The following ENOX1 variants were observed in gnomAD, a reference collection of about 807,000 sequenced individuals.
The protein encoded by ENOX1 is candidate growth-related and time keeping constitutive hydroquinone (NADH) oxidase.
ENOX1 carries 42 observed loss-of-function variants against 82.5 expected under a neutral mutation model. That is an observed-to-expected ratio of 0.51 (90% CI 0.40 to 0.66). ENOX1 has a LOEUF of 0.66. ENOX1 is among the 30% of genes least tolerant of loss of function. The pLI is 0.00. For missense variants in ENOX1, 608 were observed against 811.6 expected (o/e 0.75, Z 3.05); for synonymous variants, 271 against 282.2 (o/e 0.96, Z 0.40).
At chr13:43,475,095 A>G (rs1376507074) in intron 3 of ENOX1, among the ~76,000 whole-genome samples, 1 of 152,192 alleles carries the variant, frequency 6.6e-6, no homozygotes, top group Non-Finnish European at 1.5e-5. Flanking sequence ...ATTCTACCAC[A>G]TTTACAAATT....
chr13:43,342,618 T>C (rs1407838908), intron 9 of ENOX1, among the ~76,000 whole-genome samples: 3 of 152,170 alleles, frequency 2.0e-5, no homozygotes, highest in Non-Finnish European at 2.9e-5. Flanking sequence ...GTGCCTGTTC[T>C]GCTCACCCAC....
chr13:43,613,129 C>A (rs1011830335), intron 2 of ENOX1, among the ~76,000 whole-genome samples: 1 of 151,938 alleles, frequency 6.6e-6, no homozygotes, highest in African/African-American at 2.4e-5. Flanking sequence ...TGAGTGATAA[C>A]AAATTTAGAT....
chr13:43,663,219 G>C (rs915151759), intron 2 of ENOX1, among the ~76,000 whole-genome samples: 20 of 152,196 alleles, frequency 1.3e-4, no homozygotes, highest in African/African-American at 4.8e-4. Context: ...CATTCTCCCT[G>C]CAAGGAGCAG....
intron 5 of ENOX1, among the ~76,000 whole-genome samples, chr13:43,378,268 A>C (rs985487607): frequency 1.3e-5 from 2 of 152,222 alleles, no homozygotes; most frequent in African/African-American, 4.8e-5. Context: ...ACTCTGGAAA[A>C]GTCTGACAGT....
intron 1 of ENOX1, among the ~76,000 whole-genome samples, chr13:43,671,326 G>A (rs1412240314): frequency 6.6e-6 from 1 of 152,162 alleles, no homozygotes; most frequent in Non-Finnish European, 1.5e-5. Flanking sequence ...TAATCATAAG[G>A]TCAATATAGG....
chr13:43,430,152 G>A (rs1259421544), intron 3 of ENOX1, among the ~76,000 whole-genome samples: 1 of 152,200 alleles, frequency 6.6e-6, no homozygotes, highest in Admixed American at 6.5e-5. Flanking sequence ...TATGCATTTT[G>A]TATGTTACGG....
At chr13:43,536,691 C>T (rs1209477634) in intron 2 of ENOX1, among the ~76,000 whole-genome samples, 1 of 152,208 alleles carries the variant, frequency 6.6e-6, no homozygotes, top group African/African-American at 2.4e-5. Context: ...CACCACCTTC[C>T]ATAACATCTG....
chr13:43,711,293 C>A (rs1359776621), intron 1 of ENOX1, among the ~76,000 whole-genome samples: 1 of 152,054 alleles, frequency 6.6e-6, no homozygotes, highest in Non-Finnish European at 1.5e-5. Flanking sequence ...TGTATATGTG[C>A]CACATTTTCA....
At chr13:43,279,344 T>G (rs1478306895) in intron 12 of ENOX1, among the ~76,000 whole-genome samples, 3 of 152,240 alleles carry the variant, frequency 2.0e-5, no homozygotes, top group Non-Finnish European at 4.4e-5. Flanking sequence ...ATCAGCTTGC[T>G]GTGCAAGCTT....
intron 12 of ENOX1, among the ~76,000 whole-genome samples, chr13:43,288,503 T>A (rs1253056056): frequency 6.6e-6 from 1 of 152,030 alleles, no homozygotes; most frequent in African/African-American, 2.4e-5. Context: ...TTTTTTGAGC[T>A]TTTTAAAGCT....
At chr13:43,479,405 G>C (rs1364925376) in intron 3 of ENOX1, among the ~76,000 whole-genome samples, 1 of 152,126 alleles carries the variant, frequency 6.6e-6, no homozygotes, top group African/African-American at 2.4e-5. Context: ...TCCGTTCTCA[G>C]TAACTGACCG....
chr13:43,667,218 CTA>C (rs1289278104), intron 2 of ENOX1, among the ~76,000 whole-genome samples: 1 of 152,098 alleles, frequency 6.6e-6, no homozygotes, highest in Non-Finnish European at 1.5e-5. Flanking sequence ...TATGAAAACT[CTA>C]TAGAAGTTGG....
intron 11 of ENOX1, among the ~76,000 whole-genome samples, chr13:43,299,402 C>T (rs2046449681): frequency 6.6e-6 from 1 of 152,136 alleles, no homozygotes; most frequent in Non-Finnish European, 1.5e-5. Flanking sequence ...CTGCTGAGCA[C>T]TCATAAAGCA....
intron 1 of ENOX1, among the ~76,000 whole-genome samples, chr13:43,742,535 G>A (rs544544855): frequency 3.9e-5 from 6 of 152,156 alleles, no homozygotes; most frequent in African/African-American, 1.4e-4. Flanking sequence ...CACTCACATT[G>A]GTGAGAGCCA....
intron 2 of ENOX1, among the ~76,000 whole-genome samples, chr13:43,657,851 T>A (rs2084519651): frequency 6.6e-6 from 1 of 152,244 alleles, no homozygotes. Flanking sequence ...TCATTATTAT[T>A]TTAATTACTT....
chr13:43,382,736 T>C (rs945654336), intron 5 of ENOX1, among the ~76,000 whole-genome samples: 2 of 152,212 alleles, frequency 1.3e-5, no homozygotes, highest in Non-Finnish European at 2.9e-5. Context: ...TATATACATA[T>C]GTCAAAACTT....
chr13:43,549,113 C>T (rs1012320425), intron 2 of ENOX1, among the ~76,000 whole-genome samples: 2 of 152,154 alleles, frequency 1.3e-5, no homozygotes, highest in Admixed American at 6.5e-5. Context: ...ACATTTTATC[C>T]TTGCCATGTA....
chr13:43,239,821 T>A (rs1490875430), intron 14 of ENOX1, among the ~76,000 whole-genome samples: 1 of 152,226 alleles, frequency 6.6e-6, no homozygotes, highest in Non-Finnish European at 1.5e-5. Context: ...TGTTGTAGTT[T>A]TACCTTTTCC....
chr13:43,339,244 TG>T (rs2048918503), intron 9 of ENOX1, among the ~76,000 whole-genome samples: 1 of 152,232 alleles, frequency 6.6e-6, no homozygotes, highest in African/African-American at 2.4e-5. Context: ...AAACAACTTT[TG>T]TTAAGCACTG....
Sources: allele counts gnomAD v4.1 joint callset (sites outside exome capture counted in the v4.1 genomes callset), GRCh38; gene constraint gnomAD v4.1.1; transcripts MANE v1.5; gene names NCBI Gene and HGNC (gene_info 2026-07-23, HGNC 2026-07-21).